Variants in EYS observed in about 807,000 individuals in gnomAD.
EYS encodes the protein EGF-like photoreceptor maintenance factor.
EYS carries 250 observed loss-of-function variants against 282.1 expected under a neutral mutation model. That is an observed-to-expected ratio of 0.89 (90% CI 0.80 to 0.98). The LOEUF is 0.98. Ranked by LOEUF, EYS falls within the 50% of genes least tolerant of loss-of-function variation. EYS has a pLI of 0.00. For missense variants in EYS, 4,016 were observed against 3,709.0 expected, an observed-to-expected ratio of 1.08 and a Z score of -2.15; for synonymous variants, 1,355 against 1,282.9, an observed-to-expected ratio of 1.06 and a Z score of -1.20.
intron 31 of EYS, among the ~76,000 whole-genome samples, chr6:64,122,297 T>C (rs950314267): frequency 1.3e-5 from 2 of 152,190 alleles, no homozygotes; most frequent in East Asian, 1.9e-4. Flanking sequence ...TTTCATAGCA[T>C]AGCATGAAAT....
At chr6:63,852,949 A>G (rs1414532257) in intron 36 of EYS, among the ~76,000 whole-genome samples, 1 of 152,184 alleles carries the variant, frequency 6.6e-6, no homozygotes, top group Non-Finnish European at 1.5e-5. Context: ...CATGCTAAAA[A>G]CACTCAATAA....
At chr6:64,980,049 T>C (rs1022620803) in intron 14 of EYS, among the ~76,000 whole-genome samples, 1 of 151,458 alleles carries the variant, frequency 6.6e-6, no homozygotes, top group Non-Finnish European at 1.5e-5. Flanking sequence ...ATAAGTGACA[T>C]CCTTTTAGTC....
chr6:65,660,831 G>C (rs1248726545), intron 1 of EYS, among the ~76,000 whole-genome samples: 1 of 151,806 alleles, frequency 6.6e-6, no homozygotes, highest in East Asian at 1.9e-4. Flanking sequence ...GAGTCAATTA[G>C]AAAGCACCTC....
intron 35 of EYS, among the ~76,000 whole-genome samples, chr6:63,883,086 G>T (rs949461867): frequency 3.0e-4 from 46 of 152,266 alleles, no homozygotes; most frequent in African/African-American, 1.1e-3. Context: ...TTTGTTCAAA[G>T]AATTGATTCA....
chr6:65,563,889 C>T (rs939699406), intron 2 of EYS, among the ~76,000 whole-genome samples: 5 of 152,148 alleles, frequency 3.3e-5, no homozygotes, highest in African/African-American at 1.2e-4. Flanking sequence ...CCCATCGTCT[C>T]AGCCCAAAAT....
chr6:64,962,527 C>T (rs557102417), intron 14 of EYS, among the ~76,000 whole-genome samples: 77 of 150,370 alleles, frequency 5.1e-4, no homozygotes, highest in African/African-American at 1.6e-3. Flanking sequence ...TCCAGCAGTC[C>T]GAGACCAGTC....
chr6:64,467,969 C>T (rs1582791626), intron 26 of EYS, among the ~76,000 whole-genome samples: 1 of 152,236 alleles, frequency 6.6e-6, no homozygotes, highest in East Asian at 1.9e-4. Context: ...CTACTACCAC[C>T]ATTAACAACA....
intron 12 of EYS, among the ~76,000 whole-genome samples, chr6:65,093,751 T>A (rs954509403): frequency 1.1e-4 from 17 of 151,858 alleles, no homozygotes; most frequent in Admixed American, 9.9e-4. Context: ...TATAAGTTTT[T>A]AAAATTTTAA....
intron 12 of EYS, among the ~76,000 whole-genome samples, chr6:65,246,952 A>T (rs182138422): frequency 6.6e-6 from 1 of 152,260 alleles, no homozygotes; most frequent in East Asian, 1.9e-4. Flanking sequence ...AGAAATGAAG[A>T]GAATAAAAAA....
At position 64,352,800 on chromosome 6, in the gene EYS, G is replaced by A. The variant is rs1412709255; in HGVS notation, c.6078+35890C>T. ...GAGTAATAATTGTTTTTGCCCCTTG[G>A]GAAAATATAATTTTATTGTTAATTT... On this transcript the variant is annotated intron_variant, in intron 29 of 42. Coordinates refer to ENST00000503581, the MANE Select transcript of EYS (RefSeq NM_001142800.2). Among the ~76,000 whole-genome samples, 6 of 151,286 alleles carry A rather than the reference G, an allele frequency of 4.0e-5. No homozygotes were observed. In the South Asian group the frequency reaches 6.2e-4, roughly 16 times the overall value.
At chr6:64,713,319 G>A (rs1022626118) in intron 22 of EYS, 2 of 152,096 alleles carry the variant, frequency 1.3e-5, no homozygotes, top group African/African-American at 4.8e-5. Context: ...GTCTGGATTG[G>A]AACAATTGTC....
intron 22 of EYS, among the ~76,000 whole-genome samples, chr6:64,784,408 T>A (rs1773954303): frequency 6.6e-6 from 1 of 152,174 alleles, no homozygotes; most frequent in Non-Finnish European, 1.5e-5. Context: ...TAAACCTTTT[T>A]ATTTGGTCAC....
At chr6:64,086,717 G>A (rs1353925023) in intron 31 of EYS, among the ~76,000 whole-genome samples, 1 of 152,008 alleles carries the variant, frequency 6.6e-6, no homozygotes, top group Non-Finnish European at 1.5e-5. Context: ...ACAATTGTTG[G>A]CATAAATATA....
At chr6:64,537,818 A>C (rs1764575172) in intron 26 of EYS, among the ~76,000 whole-genome samples, 1 of 152,294 alleles carries the variant, frequency 6.6e-6, no homozygotes, top group Middle Eastern at 3.4e-3. Context: ...TTTCCATTGC[A>C]ACCACCTCTG....
chr6:64,732,977 T>C (rs752190698), intron 22 of EYS, among the ~76,000 whole-genome samples: 8 of 152,212 alleles, frequency 5.3e-5, no homozygotes, highest in Non-Finnish European at 1.0e-4. Context: ...TGCTGTGTTG[T>C]GCAAATGATG....
At chr6:64,398,483 A>C (rs1433764925) in intron 28 of EYS, among the ~76,000 whole-genome samples, 2 of 150,706 alleles carry the variant, frequency 1.3e-5, no homozygotes, top group Non-Finnish European at 3.0e-5. Context: ...AGTGTTCTTG[A>C]TATGTGAATA....
rs1284181325 is a variant in EYS at position 64,062,711 on chromosome 6, G to A, written c.6725+3627C>T. 2.8e-3 allele frequency among the ~76,000 whole-genome samples: 380 copies of A among 135,128 alleles called. 3 individuals are homozygous for A. The highest frequency in any genetic ancestry group is 9.5e-3 in the African/African-American group (341 of 35,932). 88.6% of individuals were successfully genotyped at this position (135,128 alleles called of 152,430 possible). On this transcript the variant is annotated intron_variant, in intron 33 of 42. Transcript: ENST00000503581. Reference sequence around the variant, plus strand: ...CAACTCAAAAAAAAAAAAAAAAAAAGAAGAAGAAACTTATGTTCTCCCTTT... The same window carrying A: ...CAACTCAAAAAAAAAAAAAAAAAAAAAAGAAGAAACTTATGTTCTCCCTTT...
At chr6:65,698,895 A>G (rs963455011) in intron 1 of EYS, among the ~76,000 whole-genome samples, 2 of 152,190 alleles carry the variant, frequency 1.3e-5, no homozygotes, top group Non-Finnish European at 2.9e-5. Context: ...TCTTCCTGAT[A>G]TTATTCAAAA....
At chr6:65,217,817 C>A (rs1462324597) in intron 12 of EYS, among the ~76,000 whole-genome samples, 3 of 151,934 alleles carry the variant, frequency 2.0e-5, no homozygotes, top group Non-Finnish European at 4.4e-5. Context: ...GGGATGTGGT[C>A]AGAAGTTTAG....
Sources: allele counts gnomAD v4.1 joint callset (sites outside exome capture counted in the v4.1 genomes callset), GRCh38; gene constraint gnomAD v4.1.1; transcripts MANE v1.5; gene names NCBI Gene and HGNC (gene_info 2026-07-23, HGNC 2026-07-21).